RTL3: variants seen among roughly 807,000 people sequenced by gnomAD.
RTL3 encodes the protein retrotransposon Gag like 3.
For missense variants in RTL3, 468 were observed against 341.8 expected (o/e 1.37, Z -2.91); for synonymous variants, 181 against 132.2 (o/e 1.37, Z -2.53).
At position 78,657,776 on chromosome X, in the gene RTL3, A is replaced by T; in HGVS notation, c.645T>A (p.Val215=). 1 of 1,211,635 alleles carries T rather than the reference A, an allele frequency of 8.3e-7. No homozygotes were observed. The highest frequency in any genetic ancestry group is 3.0e-5 in the East Asian group (1 of 33,819). ...ACTCTGAAGCTGCTGATGTCTCCACAACTATTAGACCCTCCAGGGACTCCT... is the reference window on the plus strand; with the variant it reads ...ACTCTGAAGCTGCTGATGTCTCCACTACTATTAGACCCTCCAGGGACTCCT... The part of the protein sequence containing the change: ...AAQESLEGLI[V]VETSAASEFP... Residue 215 remains valine, a synonymous_variant, in exon 2 of 2, where the codon GTT becomes GTA. Coordinates refer to ENST00000321110, the MANE Select transcript of RTL3 (RefSeq NM_152694.3).
rs1183033775 is a variant in RTL3, at chrX:78,657,554, C to T, written c.867G>A (p.Trp289Ter). The T allele has an allele frequency of 8.3e-6, 10 of 1,205,359 alleles. No homozygotes were observed. The highest frequency in any genetic ancestry group is 3.6e-5 in the South Asian group (2 of 55,803). The stretch of plus-strand genomic sequence containing the variant: ...GGATATCCAGTAAGAGCTGGAACCA[C>T]CATCCTGCCCTACCTGAGAAGCAAT... Reference protein sequence around the residue: ...VGNCFSGRAGWWFQLLLDIQS... With the variant: ...VGNCFSGRAG The change falls in exon 2 of 2, where the codon TGG (tryptophan) becomes TGA (stop). Residue 289 changes from tryptophan to a stop codon, truncating the protein, a stop_gained. Coordinates refer to ENST00000321110, the MANE Select transcript of RTL3 (RefSeq NM_152694.3). LOFTEE classifies it low-confidence loss of function (END_TRUNC).
In RTL3 at chrX:78,657,201, G is replaced by T; in HGVS notation, c.1220C>A (p.Ala407Glu). Residue 407 changes from alanine (A) to glutamate (E), a missense_variant, in exon 2 of 2, where the codon GCA becomes GAA. Coordinates refer to ENST00000321110, the MANE Select transcript of RTL3 (RefSeq NM_152694.3). Reference sequence around the variant, plus strand: ...TGGACTCTCGGGTCCATCTCCCTCTGCAGAGGAACTTTTCCCTAATGGATT... The same window carrying T: ...TGGACTCTCGGGTCCATCTCCCTCTTCAGAGGAACTTTTCCCTAATGGATT... Reference protein sequence around the residue: ...DPNPLGKSSSAEGDGPESPPA... With the variant: ...DPNPLGKSSSEEGDGPESPPA... 2.5e-6 allele frequency: 3 copies of T among 1,212,286 alleles called. No homozygotes were observed. Among genetic ancestry groups the T allele is most frequent in the Non-Finnish European group, 3.3e-6 (3 of 895,622 alleles).
rs748638745 is a variant in RTL3, at chrX:78,657,810, G to A, written c.611C>T (p.Ser204Leu). 8.3e-7 allele frequency: 1 copy of A among 1,211,641 alleles called. No homozygotes were observed. Among genetic ancestry groups the A allele is most frequent in the Non-Finnish European group, 1.1e-6 (1 of 895,429 alleles). ...PSNAQEFLELSAAQESLEGLI... is the reference protein window; with the variant it reads ...PSNAQEFLELLAAQESLEGLI... The stretch of plus-strand genomic sequence containing the variant: ...ACCCTCCAGGGACTCCTGGGCTGCT[G>A]AGAGTTCTAGGAATTCCTGGGCATT... Residue 204 changes from serine (S) to leucine (L), a missense_variant, in exon 2 of 2, where the codon TCA (serine) becomes TTA (leucine). Physicochemically the swap from Ser to Leu is moderately radical, Grantham distance 145. Coordinates refer to ENST00000321110, the MANE Select transcript of RTL3 (RefSeq NM_152694.3).
chrX:78,656,984 G>A lies in RTL3; in HGVS notation c.*9C>T. On this transcript the variant is annotated 3_prime_UTR_variant, in exon 2 of 2. Coordinates refer to ENST00000321110, the MANE Select transcript of RTL3 (RefSeq NM_152694.3). ...GCATATTTGTAGATTGGCCCACGTG[G>A]GGTCCCCCTTACTGGCAGGCCTGGA... The A allele has an allele frequency of 8.3e-7, 1 of 1,200,648 alleles. No individual in the cohort carries two copies. The highest frequency in any genetic ancestry group is 1.8e-5 in the South Asian group (1 of 55,395).
rs1434869510 is a variant in RTL3 at position 78,658,273 on chromosome X, C to A, written c.148G>T (p.Asp50Tyr). The A allele has an allele frequency of 5.8e-6, 7 of 1,208,342 alleles. No homozygotes were observed. Among genetic ancestry groups the A allele is most frequent in the Non-Finnish European group, 7.8e-6 (7 of 894,737 alleles). The change falls in exon 2 of 2, where the codon GAT becomes TAT. Residue 50 changes from aspartate (D) to tyrosine (Y), a missense_variant. Coordinates refer to ENST00000321110, the MANE Select transcript of RTL3 (RefSeq NM_152694.3). ...GCCTCTGAGGACTTTCGGAGTAGAT[C>A]ATACTCCTTGGCTGCTTGGGACTTC... ...LQKSQAAKEYDLLRKSSEAKE... is the reference protein window; with the variant it reads ...LQKSQAAKEYYLLRKSSEAKE...
In RTL3 at chrX:78,658,395, T is replaced by C. The variant is rs749219677; in HGVS notation, c.26A>G (p.Tyr9Cys). 5.8e-6 allele frequency: 7 copies of C among 1,203,850 alleles called. No individual in the cohort carries two copies. The highest frequency in any genetic ancestry group is 3.5e-5 in the African/African-American group (2 of 56,718). The change falls in exon 2 of 2, where the codon TAT becomes TGT. Residue 9 changes from tyrosine to cysteine, a missense_variant. By Grantham distance (194) the Tyr-to-Cys change is radical. Coordinates refer to ENST00000321110, the MANE Select transcript of RTL3 (RefSeq NM_152694.3). ...TTCATTCTCCAATTTCAGAACAATATAGGAGGCTGCTAAGTCCTCCACCAT... is the reference window on the plus strand; with the variant it reads ...TTCATTCTCCAATTTCAGAACAATACAGGAGGCTGCTAAGTCCTCCACCAT... MVEDLAAS[Y>C]IVLKLENEIR...
In RTL3 at chrX:78,657,546, T is replaced by A; in HGVS notation, c.875A>T (p.Gln292Leu). The A allele has an allele frequency of 8.3e-7, 1 of 1,207,527 alleles. No individual in the cohort carries two copies. Among genetic ancestry groups the A allele is most frequent in the Non-Finnish European group, 1.1e-6 (1 of 893,211 alleles). ...GGGGCTTTGGATATCCAGTAAGAGCTGGAACCACCATCCTGCCCTACCTGA... is the reference window on the plus strand; with the variant it reads ...GGGGCTTTGGATATCCAGTAAGAGCAGGAACCACCATCCTGCCCTACCTGA... Reference protein sequence around the residue: ...CFSGRAGWWFQLLLDIQSPLL... With the variant: ...CFSGRAGWWFLLLLDIQSPLL... The change falls in exon 2 of 2, where the codon CAG becomes CTG. Residue 292 changes from glutamine (Q) to leucine (L), a missense_variant. By Grantham distance (113) the Gln-to-Leu change is moderately radical (BLOSUM62 -2). Coordinates refer to ENST00000321110, the MANE Select transcript of RTL3 (RefSeq NM_152694.3).
rs773505078 is a variant in RTL3 at position 78,657,727 on chromosome X, C to G, written c.694G>C (p.Glu232Gln). 12 of 1,209,214 alleles carry G rather than the reference C, an allele frequency of 9.9e-6. No homozygotes were observed. Among genetic ancestry groups the G allele is most frequent in the Middle Eastern group, 2.3e-4 (1 of 4,355 alleles). The change falls in exon 2 of 2, where the codon GAG becomes CAG. Residue 232 changes from glutamate to glutamine, a missense_variant. Transcript: ENST00000321110. The part of the protein sequence containing the change: ...SEFPQAPIGL[E>Q]ATDFPLQYTL... ...TATTGCAGGGGGAAATCTGTAGCCT[C>G]TAACCCAATAGGGGCCTGTGGAAAC...
Position 78,657,366 on chromosome X carries a change from C to A in RTL3, c.1055G>T (p.Trp352Leu). 1 of 1,211,946 alleles carries A rather than the reference C, an allele frequency of 8.3e-7. No homozygotes were observed. The highest frequency in any genetic ancestry group is 1.1e-6 in the Non-Finnish European group (1 of 895,575). ...HFHLIAQELN[W>L]DESTLWIQFQ... ...TTGGATCCAGAGAGTGCTTTCATCC[C>A]AGTTCAGCTCTTGAGCAATGAGGTG... Residue 352 changes from tryptophan (W) to leucine (L), a missense_variant, in exon 2 of 2, where the codon TGG becomes TTG. Physicochemically the swap from Trp to Leu is moderately conservative, Grantham distance 61. Transcript: ENST00000321110.
rs1300730382 is a variant in RTL3, at chrX:78,656,728, T to C, written c.*265A>G. 3 of 331,776 alleles carry C rather than the reference T, an allele frequency of 9.0e-6. No individual in the cohort carries two copies. Among genetic ancestry groups the C allele is most frequent in the Non-Finnish European group, 1.6e-5 (3 of 192,560 alleles). The allele number at this position is 331,776 out of a possible 1,213,427, so 27.3% of individuals were successfully genotyped here. A position where few individuals can be genotyped will look rare whatever the true frequency, so the allele number is the denominator to read the frequency against. ...AATTTGAACTTGGACAGGTGATGTT[T>C]CCTTAGTTATGGGTCCATTAATAAG... On this transcript the variant is annotated 3_prime_UTR_variant, in exon 2 of 2. Transcript: ENST00000321110.
Position 78,656,985 on chromosome X carries a change from G to T in RTL3, c.*8C>A. 8.3e-7 allele frequency: 1 copy of T among 1,200,699 alleles called. No individual in the cohort carries two copies. Among genetic ancestry groups the T allele is most frequent in the Non-Finnish European group, 1.1e-6 (1 of 888,960 alleles). On this transcript the variant is annotated 3_prime_UTR_variant, in exon 2 of 2. Transcript: ENST00000321110. ...CATATTTGTAGATTGGCCCACGTGG[G>T]GTCCCCCTTACTGGCAGGCCTGGAT...
rs745795742 is a variant in RTL3 at position 78,658,248 on chromosome X, G to T, written c.173C>A (p.Ala58Asp). 1.7e-6 allele frequency: 2 copies of T among 1,210,240 alleles called. No individual in the cohort carries two copies. The highest frequency in any genetic ancestry group is 3.0e-5 in the East Asian group (1 of 33,775). ...CTCTGGGAGCTTCTGGGGCTCCTTG[G>T]CCTCTGAGGACTTTCGGAGTAGATC... The part of the protein sequence containing the change: ...EYDLLRKSSE[A>D]KEPQKLPEHM... Residue 58 changes from alanine (A) to aspartate (D), a missense_variant, in exon 2 of 2, where the codon GCC becomes GAC. By Grantham distance (126) the Ala-to-Asp change is moderately radical (BLOSUM62 -2). Coordinates refer to ENST00000321110, the MANE Select transcript of RTL3 (RefSeq NM_152694.3).
Position 78,657,581 on chromosome X carries a change from G to A in RTL3, c.840C>T (p.Gly280=), listed in dbSNP as rs762187102. The A allele has an allele frequency of 7.4e-5, 89 of 1,204,993 alleles. No homozygotes were observed. Among genetic ancestry groups the A allele is most frequent in the Non-Finnish European group, 8.9e-5 (79 of 892,548 alleles). ...PTEAALVSFV[G]NCFSGRAGWW... ...ATCCTGCCCTACCTGAGAAGCAATTGCCAACAAAGCTCACCAGGGCTGCTT... is the reference window on the plus strand; with the variant it reads ...ATCCTGCCCTACCTGAGAAGCAATTACCAACAAAGCTCACCAGGGCTGCTT... Residue 280 remains glycine (G), a synonymous_variant, in exon 2 of 2, where the codon GGC becomes GGT. Coordinates refer to ENST00000321110, the MANE Select transcript of RTL3 (RefSeq NM_152694.3).
rs756998618 is a variant in RTL3 at position 78,656,309 on chromosome X, A to C, written c.*684T>G. 1 of 93,978 alleles carries C rather than the reference A, an allele frequency of 1.1e-5. No homozygotes were observed. Among genetic ancestry groups the C allele is most frequent in the East Asian group, 2.9e-4 (1 of 3,459 alleles). 7.7% of individuals were successfully genotyped at this position (93,978 alleles called of 1,213,427 possible). A position where few individuals can be genotyped will look rare whatever the true frequency, so the allele number is the denominator to read the frequency against. On this transcript the variant is annotated 3_prime_UTR_variant, in exon 2 of 2. Transcript: ENST00000321110. ...AGAGTTCTGAGATAGAGGCATGCAG[A>C]GTTAGTGAAAAAAAAAAAAGCAGCT...
At chrX:78,658,920 A>G (rs1923078758) in intron 1 of RTL3, among the ~76,000 whole-genome samples, 1 of 111,161 alleles carries the variant, frequency 9.0e-6, no homozygotes, top group Non-Finnish European at 1.9e-5. Flanking sequence ...TTAATCTTGA[A>G]TATCTGCCTA....
chrX:78,657,839 A>G lies in RTL3; in HGVS notation c.582T>C (p.Pro194=), dbSNP rs773560660. The G allele has an allele frequency of 3.3e-6, 4 of 1,209,024 alleles. No homozygotes were observed. ...GTTCTAGGAATTCCTGGGCATTTGA[A>G]GGCTCCAGAGGCTCCTGGGGAGGTG... ...ELPPPQEPLE[P]SNAQEFLELS... The change falls in exon 2 of 2, where the codon CCT becomes CCC. Residue 194 remains proline (P), a synonymous_variant. Transcript: ENST00000321110.
Position 78,658,542 on chromosome X carries a change from G to T in RTL3, c.-122C>A. The T allele has an allele frequency of 1.4e-6, 1 of 716,538 alleles. No homozygotes were observed. 59.1% of individuals were successfully genotyped at this position (716,538 alleles called of 1,213,427 possible). On this transcript the variant is annotated 5_prime_UTR_variant, in exon 2 of 2. Coordinates refer to ENST00000321110, the MANE Select transcript of RTL3 (RefSeq NM_152694.3). ...TCAGGCTCAGTGAGTTTTCCAAGGGGTGGTATTTGGGCCCCGCCAAGGCTG... is the reference window on the plus strand; with the variant it reads ...TCAGGCTCAGTGAGTTTTCCAAGGGTTGGTATTTGGGCCCCGCCAAGGCTG...
At position 78,657,232 on chromosome X, in the gene RTL3, C is replaced by T; in HGVS notation, c.1189G>A (p.Asp397Asn). Reference protein sequence around the residue: ...TQCISLEEKPDPNPLGKSSSA... With the variant: ...TQCISLEEKPNPNPLGKSSSA... ...GAACTTTTCCCTAATGGATTGGGAT[C>T]AGGCTTCTCTTCCAGGCTGATGCAC... The change falls in exon 2 of 2, where the codon GAT becomes AAT. Residue 397 changes from aspartate (D) to asparagine (N), a missense_variant. Coordinates refer to ENST00000321110, the MANE Select transcript of RTL3 (RefSeq NM_152694.3). 1.6e-6 allele frequency: 2 copies of T among 1,212,206 alleles called. No homozygotes were observed. The highest frequency in any genetic ancestry group is 2.2e-6 in the Non-Finnish European group (2 of 895,622).
chrX:78,656,876 G>T lies in RTL3; in HGVS notation c.*117C>A, dbSNP rs1416736330. 7.6e-6 allele frequency: 6 copies of T among 785,669 alleles called. No homozygotes were observed. The highest frequency in any genetic ancestry group is 4.2e-5 in the African/African-American group (2 of 47,308). The allele number at this position is 785,669 out of a possible 1,213,427, so 64.7% of individuals were successfully genotyped here. On this transcript the variant is annotated 3_prime_UTR_variant, in exon 2 of 2. Transcript: ENST00000321110. Reference sequence around the variant, plus strand: ...TAGGAGCCTGAATCTACCATTGCTTGCTCAAAGAATTATCTTCTTCCCAGT... The same window carrying T: ...TAGGAGCCTGAATCTACCATTGCTTTCTCAAAGAATTATCTTCTTCCCAGT...
Sources: gnomAD v4.1 joint callset for allele counts (sites outside exome capture counted in the v4.1 genomes callset) on GRCh38, gnomAD v4.1.1 for gene constraint, MANE v1.5 for transcripts, NCBI Gene and HGNC (gene_info 2026-07-23, HGNC 2026-07-21) for gene names.